The following GPC5 variants were observed in gnomAD, a reference collection of about 807,000 sequenced individuals.
GPC5 encodes glypican 5.
A neutral mutation model predicts 53.9 loss-of-function variants in GPC5; 47 were observed. The ratio of observed to expected loss-of-function variants is 0.87; its 90% CI spans 0.69 to 1.11. GPC5 has a LOEUF of 1.11. Ranked by LOEUF, GPC5 falls within the 50% of genes most tolerant of loss-of-function variation. The pLI, the probability that GPC5 is intolerant of heterozygous loss-of-function variation, is 0.00. For missense variants in GPC5, 748 were observed against 713.1 expected, an observed-to-expected ratio of 1.05 and a Z score of -0.56; for synonymous variants, 286 against 263.3, an observed-to-expected ratio of 1.09 and a Z score of -0.84.
chr13:92,181,317 C>T (rs1010147054), intron 7 of GPC5, among the ~76,000 whole-genome samples: 3 of 152,140 alleles, frequency 2.0e-5, no homozygotes, highest in Non-Finnish European at 2.9e-5. Flanking sequence ...TAAACCCAAA[C>T]AAGGTACTAT....
chr13:91,723,245 G>T (rs2036510951), intron 3 of GPC5, among the ~76,000 whole-genome samples: 1 of 150,956 alleles, frequency 6.6e-6, no homozygotes, highest in Non-Finnish European at 1.5e-5. Flanking sequence ...TTGTGGGGTG[G>T]GGACAGTATA....
chr13:92,698,229 A>G (rs541959669), intron 7 of GPC5, among the ~76,000 whole-genome samples: 29 of 152,004 alleles, frequency 1.9e-4, no homozygotes, highest in Non-Finnish European at 3.8e-4. Flanking sequence ...CGTTAGTTAC[A>G]TATGTATACA....
At chr13:91,564,159 A>G (rs1034711819) in intron 2 of GPC5, among the ~76,000 whole-genome samples, 2 of 152,110 alleles carry the variant, frequency 1.3e-5, no homozygotes, top group Admixed American at 1.3e-4. Flanking sequence ...GGTGCTTTTT[A>G]TCTTTGAATG....
At chr13:92,238,700 C>T (rs184318355) in intron 7 of GPC5, among the ~76,000 whole-genome samples, 17 of 151,732 alleles carry the variant, frequency 1.1e-4, no homozygotes, top group Middle Eastern at 3.4e-3. Flanking sequence ...ATATTTTCTC[C>T]CTTTGTCTGG....
chr13:91,955,774 G>A (rs1019591668), intron 6 of GPC5, among the ~76,000 whole-genome samples: 2 of 152,180 alleles, frequency 1.3e-5, no homozygotes, highest in East Asian at 1.9e-4. Flanking sequence ...GCAGCATGGT[G>A]CCATTTGAGA....
Position 91,585,615 on chromosome 13 carries a change from G to A in GPC5, c.326-107572G>A, listed in dbSNP as rs74365374. ...AATCTGTGGCGTTTGACCCAAAATA[G>A]TGGTTGTGTTTGGGGGGTGGAGGGA... On this transcript the variant is annotated intron_variant, in intron 2 of 7. Transcript: ENST00000377067. 6.1e-3 allele frequency among the ~76,000 whole-genome samples: 930 copies of A among 152,274 alleles called. 8 individuals are homozygous for A. Among genetic ancestry groups the A allele is most frequent in the African/African-American group, 0.022 (897 of 41,556 alleles).
chr13:92,746,288 C>G (rs763993512), intron 7 of GPC5, among the ~76,000 whole-genome samples: 2 of 152,118 alleles, frequency 1.3e-5, no homozygotes, highest in African/African-American at 4.8e-5. Flanking sequence ...TTCAGTCTTT[C>G]TGCAAAGCCA....
chr13:92,569,927 G>T (rs113001558), intron 7 of GPC5, among the ~76,000 whole-genome samples: 1 of 151,966 alleles, frequency 6.6e-6, no homozygotes, highest in African/African-American at 2.4e-5. Flanking sequence ...TCTCTTTATG[G>T]TCAAATGCAG....
intron 7 of GPC5, chr13:92,240,672 T>C: frequency 3.4e-5 from 1 of 29,552 alleles, no homozygotes; most frequent in Admixed American, 4.0e-4. Context: ...AGAGACTAAT[T>C]TTTTGTATTT....
intron 7 of GPC5, among the ~76,000 whole-genome samples, chr13:92,565,040 A>G (rs1452024683): frequency 6.6e-6 from 1 of 152,078 alleles, no homozygotes; most frequent in Non-Finnish European, 1.5e-5. Flanking sequence ...AGGCAAGAAA[A>G]CAGGACTCTT....
chr13:91,607,769 A>G (rs1040443288), intron 2 of GPC5, among the ~76,000 whole-genome samples: 1 of 152,214 alleles, frequency 6.6e-6, no homozygotes, highest in Non-Finnish European at 1.5e-5. Flanking sequence ...CATGGAGGAA[A>G]TCCACAGTTC....
At chr13:91,528,876 A>G (rs1239666752) in intron 2 of GPC5, among the ~76,000 whole-genome samples, 1 of 152,166 alleles carries the variant, frequency 6.6e-6, no homozygotes, top group African/African-American at 2.4e-5. Context: ...CTTGTAAACC[A>G]TCAGAGTGCG....
At position 92,360,943 on chromosome 13, in the gene GPC5, G is replaced by A. The variant is rs182990895; in HGVS notation, c.1561+215954G>A. ...AATGCCTATGGGGCAACCTAGTCAC[G>A]TAAGAGAGATGTGAGCTTGACATAA... is the stretch of plus-strand genomic sequence containing the variant. On this transcript the variant is annotated intron_variant, in intron 7 of 7. Transcript: ENST00000377067. Among the ~76,000 whole-genome samples, 330 of 151,816 alleles carry A rather than the reference G, an allele frequency of 2.2e-3. 15 individuals carry two copies. Among genetic ancestry groups the A allele is most frequent in the African/African-American group, 7.6e-3 (312 of 41,110 alleles).
At chr13:91,729,024 TA>T (rs1195889239) in intron 4 of GPC5, among the ~76,000 whole-genome samples, 7 of 152,218 alleles carry the variant, frequency 4.6e-5, no homozygotes, top group Admixed American at 2.6e-4. Flanking sequence ...CTGATGATTA[TA>T]ATTTTAAATT....
At chr13:92,001,385 T>A (rs2040552662) in intron 6 of GPC5, among the ~76,000 whole-genome samples, 1 of 152,234 alleles carries the variant, frequency 6.6e-6, no homozygotes, top group African/African-American at 2.4e-5. Context: ...TGAAGGCCAA[T>A]GCTGGATCAT....
At chr13:91,623,388 C>T (rs2033914740) in intron 2 of GPC5, among the ~76,000 whole-genome samples, 1 of 152,026 alleles carries the variant, frequency 6.6e-6, no homozygotes, top group Non-Finnish European at 1.5e-5. Context: ...TTCTCGAGAC[C>T]ATGGTGCAAC....
At chr13:92,837,670 A>C (rs1314998478) in intron 7 of GPC5, among the ~76,000 whole-genome samples, 1 of 152,218 alleles carries the variant, frequency 6.6e-6, no homozygotes, top group Non-Finnish European at 1.5e-5. Flanking sequence ...CATCCCTTTC[A>C]GTAGTCTCAA....
At chr13:92,385,625 A>G (rs1479132633) in intron 7 of GPC5, among the ~76,000 whole-genome samples, 11 of 143,600 alleles carry the variant, frequency 7.7e-5, no homozygotes, top group East Asian at 2.0e-4. Flanking sequence ...ATATACATAC[A>G]CATATATACA....
At chr13:92,542,800 A>G (rs2139004209) in intron 7 of GPC5, among the ~76,000 whole-genome samples, 1 of 152,146 alleles carries the variant, frequency 6.6e-6, no homozygotes, top group East Asian at 1.9e-4. Flanking sequence ...TACTTTAAAT[A>G]TATAATTCCA....
Sources: gnomAD v4.1 joint callset for allele counts (sites outside exome capture counted in the v4.1 genomes callset) on GRCh38, gnomAD v4.1.1 for gene constraint, MANE v1.5 for transcripts, NCBI Gene and HGNC (gene_info 2026-07-23, HGNC 2026-07-21) for gene names.